Variants in ERBB4 observed in about 807,000 individuals in gnomAD.
ERBB4 encodes receptor tyrosine-protein kinase erbB-4.
A neutral mutation model predicts 158.0 loss-of-function variants in ERBB4; 42 were observed. The observed-to-expected ratio is 0.27, with a 90% CI of 0.21 to 0.34. The LOEUF is 0.34. Among genes scored for constraint, ERBB4 ranks in the 10% least tolerant of loss-of-function variants. The pLI is 1.00. For synonymous variants in ERBB4, 583 were observed against 558.7 expected, an observed-to-expected ratio of 1.04 and a Z score of -0.61; for missense variants, 1,333 against 1,624.1, an observed-to-expected ratio of 0.82 and a Z score of 3.08.
At chr2:212,080,697 T>A (rs2078417418) in intron 2 of ERBB4, among the ~76,000 whole-genome samples, 1 of 149,244 alleles carries the variant, frequency 6.7e-6, no homozygotes, top group African/African-American at 2.5e-5. Context: ...AAAAAAAACC[T>A]CTTTATATTC....
chr2:211,730,080 T>A (rs981251859), intron 5 of ERBB4, among the ~76,000 whole-genome samples: 6 of 151,970 alleles, frequency 3.9e-5, no homozygotes, highest in African/African-American at 1.4e-4. Context: ...ACTGAGAGAA[T>A]GTCTATCAAG....
chr2:212,003,214 AAGGAAGGAAGGAAGG>A (rs2076174405), intron 2 of ERBB4, among the ~76,000 whole-genome samples: 1 of 44,306 alleles, frequency 2.3e-5, no homozygotes, highest in African/African-American at 5.5e-5. Context: ...AGACAGAAAG[AAGGAAGGAAGGAAGG>A]AAGGAAGGAA....
At chr2:211,923,488 A>C (rs932042924) in intron 3 of ERBB4, among the ~76,000 whole-genome samples, 6 of 152,164 alleles carry the variant, frequency 3.9e-5, no homozygotes, top group Non-Finnish European at 8.8e-5. Flanking sequence ...AGTAAGAGCA[A>C]TGAGACATAA....
At chr2:212,508,898 A>G (rs1691347070) in intron 1 of ERBB4, among the ~76,000 whole-genome samples, 2 of 152,192 alleles carry the variant, frequency 1.3e-5, no homozygotes, top group South Asian at 2.1e-4. Flanking sequence ...TCATCTGCCA[A>G]TTTCAATAAT....
chr2:212,285,247 G>A (rs995739439), intron 1 of ERBB4, among the ~76,000 whole-genome samples: 3 of 152,064 alleles, frequency 2.0e-5, no homozygotes, highest in Admixed American at 6.6e-5. Flanking sequence ...GGTGAGAATG[G>A]CTCTCTTTCC....
intron 1 of ERBB4, among the ~76,000 whole-genome samples, chr2:212,466,981 T>C (rs1688869481): frequency 6.8e-6 from 1 of 146,864 alleles, no homozygotes; most frequent in Admixed American, 6.9e-5. Flanking sequence ...TCTTGTTATG[T>C]TTTAGCAAAG....
At chr2:212,277,532 A>G (rs2085587825) in intron 1 of ERBB4, among the ~76,000 whole-genome samples, 1 of 151,654 alleles carries the variant, frequency 6.6e-6, no homozygotes, top group Non-Finnish European at 1.5e-5. Flanking sequence ...TTTAATCCCA[A>G]TAAATACCCA....
Position 211,619,285 on chromosome 2 carries a change from A to G in ERBB4, c.2203-10T>C. 2 of 1,501,692 alleles carry G rather than the reference A, an allele frequency of 1.3e-6. No individual in the cohort carries two copies. The highest frequency in any genetic ancestry group is 1.9e-6 in the Non-Finnish European group (2 of 1,077,958). The allele number at this position is 1,501,692 out of a possible 1,614,324, so 93.0% of individuals were successfully genotyped here. ...CAGGTACCCAAATACCCTTTGGGGA[A>G]AAAAATTTACATTAAATATGACATC... On this transcript the variant is annotated splice_polypyrimidine_tract_variant and intron_variant, in intron 18 of 27. Coordinates refer to ENST00000342788, the MANE Select transcript of ERBB4 (RefSeq NM_005235.3).
At chr2:211,544,074 G>T (rs2066880942) in intron 20 of ERBB4, among the ~76,000 whole-genome samples, 1 of 151,934 alleles carries the variant, frequency 6.6e-6, no homozygotes, top group Non-Finnish European at 1.5e-5. Context: ...GATTCACATG[G>T]ATTATACTTG....
chr2:212,343,158 T>C (rs1039521732), intron 1 of ERBB4, among the ~76,000 whole-genome samples: 12 of 152,182 alleles, frequency 7.9e-5, no homozygotes, highest in African/African-American at 2.7e-4. Flanking sequence ...TGGAACATCA[T>C]TCAACATTTC....
chr2:212,536,188 C>T (rs916508121), intron 1 of ERBB4, among the ~76,000 whole-genome samples: 1 of 152,098 alleles, frequency 6.6e-6, no homozygotes, highest in African/African-American at 2.4e-5. Context: ...TGGGAACACA[C>T]AGCCACACAC....
intron 1 of ERBB4, among the ~76,000 whole-genome samples, chr2:212,456,539 C>T (rs1236651191): frequency 6.6e-6 from 1 of 150,436 alleles, no homozygotes; most frequent in Non-Finnish European, 1.5e-5. Flanking sequence ...TACCACAATG[C>T]TTCCTTCATT....
At chr2:212,214,884 A>G (rs2083051233) in intron 1 of ERBB4, among the ~76,000 whole-genome samples, 1 of 151,726 alleles carries the variant, frequency 6.6e-6, no homozygotes, top group South Asian at 2.1e-4. Flanking sequence ...GTGTAAATAG[A>G]TTACAGTATA....
At chr2:212,538,331 C>A (rs1281526700) in intron 1 of ERBB4, 118 bp downstream of exon 1, 1 of 869,114 alleles carries the variant, frequency 1.2e-6, no homozygotes, top group Middle Eastern at 3.1e-4. Context: ...AGGGAAGAGG[C>A]CCCGGTCAAG....
chr2:211,415,277 CGGCT>C (rs1156802123), intron 25 of ERBB4, among the ~76,000 whole-genome samples: 1 of 151,948 alleles, frequency 6.6e-6, no homozygotes, highest in Non-Finnish European at 1.5e-5. Context: ...CCACCACGCC[CGGCT>C]AATTTTTTGT....
At chr2:211,473,778 C>G (rs2064887526) in intron 20 of ERBB4, among the ~76,000 whole-genome samples, 1 of 151,902 alleles carries the variant, frequency 6.6e-6, no homozygotes, top group South Asian at 2.1e-4. Flanking sequence ...AAATAAAACC[C>G]AAAATGTGGT....
chr2:211,786,452 T>C (rs964798688), intron 4 of ERBB4, among the ~76,000 whole-genome samples: 4 of 152,258 alleles, frequency 2.6e-5, no homozygotes, highest in African/African-American at 9.6e-5. Context: ...GTTATGACTC[T>C]ACTCTGCATT....
chr2:212,342,380 T>G (rs537513410), intron 1 of ERBB4, among the ~76,000 whole-genome samples: 1 of 152,194 alleles, frequency 6.6e-6, no homozygotes, highest in Non-Finnish European at 1.5e-5. Flanking sequence ...TCTCATGAGA[T>G]CTGATGGTTC....
chr2:211,678,475 A>G (rs1256155759), intron 13 of ERBB4, among the ~76,000 whole-genome samples: 1 of 152,210 alleles, frequency 6.6e-6, no homozygotes, highest in African/African-American at 2.4e-5. Context: ...ATTTTGCTTA[A>G]CTGTAAATTG....
Sources: gnomAD v4.1 joint callset for allele counts (sites outside exome capture counted in the v4.1 genomes callset) on GRCh38, gnomAD v4.1.1 for gene constraint, MANE v1.5 for transcripts, NCBI Gene and HGNC (gene_info 2026-07-23, HGNC 2026-07-21) for gene names.